The following ATL3 variants were observed in gnomAD, a reference collection of about 807,000 sequenced individuals.
ATL3 encodes atlastin GTPase 3.
In ATL3, 49 loss-of-function variants were observed where a neutral mutation model predicts 69.5. The observed-to-expected ratio is 0.71, with a 90% CI of 0.56 to 0.89. The LOEUF (loss-of-function observed/expected upper bound fraction) is 0.89, where lower values mean the gene tolerates loss of function less well. Ranked by LOEUF, ATL3 falls within the 40% of genes least tolerant of loss-of-function variation. The pLI is 0.00. For missense variants in ATL3, 606 were observed against 645.7 expected (o/e 0.94, Z 0.67); for synonymous variants, 214 against 224.1 (o/e 0.95, Z 0.40).
At chr11:63,658,719 G>T in intron 3 of ATL3, 42 bp downstream of exon 3, 4 of 1,532,494 alleles carry the variant, frequency 2.6e-6, no homozygotes, top group Non-Finnish European at 3.5e-6. Flanking sequence ...TTCATATTTT[G>T]TTGTTGTTGT....
intron 1 of ATL3, among the ~76,000 whole-genome samples, chr11:63,666,865 A>G (rs1338484533): frequency 6.6e-6 from 1 of 152,246 alleles, no homozygotes; most frequent in African/African-American, 2.4e-5. Context: ...ATGCTGTATT[A>G]CATTACTTAC....
Position 63,659,023 on chromosome 11 carries a change from A to G in ATL3, c.261+15T>C. The stretch of plus-strand genomic sequence containing the variant: ...AGTCTCACTTTTTACTTGAAATAAA[A>G]TAATTCTATCTTACCTGAGAATATA... On this transcript the variant is annotated intron_variant, in intron 2 of 12. Transcript: ENST00000398868. 2 of 1,612,484 alleles carry G rather than the reference A, an allele frequency of 1.2e-6. No individual in the cohort carries two copies. Among genetic ancestry groups the G allele is most frequent in the Non-Finnish European group, 1.7e-6 (2 of 1,178,678 alleles).
At chr11:63,647,022 A>ACCTT (rs2134497223) in intron 5 of ATL3, among the ~76,000 whole-genome samples, 1 of 152,128 alleles carries the variant, frequency 6.6e-6, no homozygotes, top group East Asian at 1.9e-4. Context: ...CTGCCTTAGG[A>ACCTT]CCTTCGTACT....
intron 11 of ATL3, chr11:63,632,575 A>T: frequency 1.2e-6 from 1 of 853,508 alleles, no homozygotes; most frequent in East Asian, 2.4e-5. Context: ...AGAAGGTGAT[A>T]AATCTACAGA....
At chr11:63,644,091 A>T in intron 7 of ATL3, 78 bp downstream of exon 7, 1 of 931,428 alleles carries the variant, frequency 1.1e-6, no homozygotes, top group Non-Finnish European at 1.7e-6. Flanking sequence ...TAATTGCTTT[A>T]AACACAATAG....
At position 63,671,279 on chromosome 11, in the gene ATL3, C is replaced by A; in HGVS notation, c.46+11G>T. On this transcript the variant is annotated intron_variant, in intron 1 of 12. Coordinates refer to ENST00000398868, the MANE Select transcript of ATL3 (RefSeq NM_015459.5). Reference sequence around the variant, plus strand: ...GGCCGCGGGGCGATCCAGGGAAAATCGGCGCCTCACCTGCTCCTCTTGAGG... The same window carrying A: ...GGCCGCGGGGCGATCCAGGGAAAATAGGCGCCTCACCTGCTCCTCTTGAGG... The A allele has an allele frequency of 6.3e-7, 1 of 1,578,470 alleles. No individual in the cohort carries two copies. Among genetic ancestry groups the A allele is most frequent in the South Asian group, 1.1e-5 (1 of 87,790 alleles).
intron 12 of ATL3, among the ~76,000 whole-genome samples, 159 bp downstream of exon 12, chr11:63,630,881 G>C (rs552802284): frequency 6.6e-6 from 1 of 151,812 alleles, no homozygotes; most frequent in African/African-American, 2.4e-5. Flanking sequence ...ATATCCTAAA[G>C]GATAATAAAA....
intron 1 of ATL3, among the ~76,000 whole-genome samples, chr11:63,669,506 C>T (rs1460950247): frequency 6.7e-6 from 1 of 148,516 alleles, no homozygotes; most frequent in Non-Finnish European, 1.5e-5. Context: ...TTGCACTCCA[C>T]CCTGGGCGAG....
intron 12 of ATL3, among the ~76,000 whole-genome samples, chr11:63,629,890 T>C (rs1268030021): frequency 6.6e-6 from 1 of 151,956 alleles, no homozygotes; most frequent in Non-Finnish European, 1.5e-5. Flanking sequence ...AAAAATTTTA[T>C]AAATAAATAA....
At chr11:63,671,516 A>G (rs568891982), upstream of ATL3, 2 of 1,441,278 alleles carry the variant, frequency 1.4e-6, no homozygotes, top group Non-Finnish European at 1.8e-6. Flanking sequence ...TGCGTGGCCC[A>G]ACGGACAGCC....
chr11:63,666,367 C>A (rs1035375638), intron 1 of ATL3, among the ~76,000 whole-genome samples: 2 of 151,816 alleles, frequency 1.3e-5, no homozygotes, highest in African/African-American at 2.4e-5. Context: ...TACAACTTCA[C>A]AGATCTCTAA....
chr11:63,642,488 C>T lies in ATL3; in HGVS notation c.850+869G>A, dbSNP rs888017732. ...ACCTTTTAGTAGTAACTAAACAGTA[C>T]ATATCCTCTAAATGATTTCCTCCAT... On this transcript the variant is annotated intron_variant, in intron 8 of 12. Coordinates refer to ENST00000398868, the MANE Select transcript of ATL3 (RefSeq NM_015459.5). 2.0e-5 allele frequency among the ~76,000 whole-genome samples: 3 copies of T among 152,184 alleles called. No homozygotes were observed. In the East Asian group the frequency reaches 5.8e-4, roughly 29 times the overall value.
Position 63,627,236 on chromosome 11 carries a change from CAG to C in ATL3, c.*2081_*2082del, listed in dbSNP as rs1335340597. ...GAGCCTGCTAATAGGTATGAACTTT[CAG>C]AGAGATAAGAGGTCACCTGAAAATG... On this transcript the variant is annotated 3_prime_UTR_variant, in exon 13 of 13. Transcript: ENST00000398868. 2 of 152,138 alleles carry C rather than the reference CAG, an allele frequency of 1.3e-5. No individual in the cohort carries two copies. The highest frequency in any genetic ancestry group is 1.3e-4 in the Admixed American group (2 of 15,286). 9.4% of individuals were successfully genotyped at this position (152,138 alleles called of 1,614,324 possible).
At chr11:63,671,937 G>A (rs562596848), upstream of ATL3, 13 of 221,336 alleles carry the variant, frequency 5.9e-5, no homozygotes, top group African/African-American at 2.9e-4. Flanking sequence ...CAGGTGGGCA[G>A]AAGAGAGGCC....
intron 1 of ATL3, among the ~76,000 whole-genome samples, chr11:63,669,558 A>G (rs1368313197): frequency 3.3e-5 from 5 of 152,026 alleles, no homozygotes; most frequent in Non-Finnish European, 5.9e-5. Context: ...AAAAGAAAAG[A>G]AAAAGAAAAT....
chr11:63,661,658 G>A (rs1940423519), intron 1 of ATL3, among the ~76,000 whole-genome samples: 1 of 152,162 alleles, frequency 6.6e-6, no homozygotes, highest in Non-Finnish European at 1.5e-5. Context: ...GGGAGGCCGA[G>A]GCGGGCAGAT....
At chr11:63,659,005 CT>C (rs1940341964) in intron 2 of ATL3, 32 bp downstream of exon 2, 1 of 1,609,362 alleles carries the variant, frequency 6.2e-7, no homozygotes, top group Non-Finnish European at 8.5e-7. Flanking sequence ...TAAAGTCTCA[CT>C]TTTTACTTGA....
At chr11:63,668,087 C>A (rs1940633943) in intron 1 of ATL3, among the ~76,000 whole-genome samples, 1 of 152,210 alleles carries the variant, frequency 6.6e-6, no homozygotes, top group Non-Finnish European at 1.5e-5. Flanking sequence ...AAGTAACCAA[C>A]CAGTCACAGA....
chr11:63,646,421 G>T, intron 6 of ATL3, 86 bp downstream of exon 6: 1 of 739,130 alleles, frequency 1.4e-6, no homozygotes. Context: ...CAGGTGGCAA[G>T]CTAGATTTGG....
Sources: allele counts gnomAD v4.1 joint callset (sites outside exome capture counted in the v4.1 genomes callset), GRCh38; gene constraint gnomAD v4.1.1; transcripts MANE v1.5; gene names NCBI Gene and HGNC (gene_info 2026-07-23, HGNC 2026-07-21).